The following PCDH15 variants were observed in gnomAD, a reference collection of about 807,000 sequenced individuals.
The protein encoded by PCDH15 is protocadherin-15.
Under a neutral mutation model 178.5 loss-of-function variants are expected in PCDH15, and 129 were observed. That is an observed-to-expected ratio of 0.72 (90% confidence interval 0.63 to 0.84). The LOEUF is 0.84. Among genes scored for constraint, PCDH15 ranks in the 40% least tolerant of loss-of-function variants. The pLI, the probability that PCDH15 is intolerant of heterozygous loss-of-function variation, is 0.00. For synonymous variants in PCDH15, 800 were observed against 732.0 expected (o/e 1.09, Z -1.50); for missense variants, 2,230 against 2,099.9 (o/e 1.06, Z -1.21).
At chr10:55,414,982 G>T (rs1838441619) in intron 2 of PCDH15, among the ~76,000 whole-genome samples, 1 of 151,390 alleles carries the variant, frequency 6.6e-6, no homozygotes, top group Non-Finnish European at 1.5e-5. Flanking sequence ...GACAAAAATG[G>T]GCATGCTTGT....
rs12773672 is a variant in PCDH15 at position 54,576,242 on chromosome 10, C to A, written c.92-48365G>T. On this transcript the variant is annotated intron_variant, in intron 2 of 37. Transcript: ENST00000644397. ...AAAGTTCCATATCAATGCAATGATC[C>A]CTTTTGTACAGTTATTAAGTATAAG... Among the ~76,000 whole-genome samples the A allele has an allele frequency of 4.6e-3, 700 of 152,166 alleles. 2 individuals carry two copies. Among genetic ancestry groups the A allele is most frequent in the Non-Finnish European group, 7.7e-3 (526 of 68,008 alleles).
At chr10:55,086,938 CGTT>C (rs1184985054) in intron 2 of PCDH15, among the ~76,000 whole-genome samples, 4 of 151,910 alleles carry the variant, frequency 2.6e-5, no homozygotes, top group Admixed American at 2.0e-4. Flanking sequence ...GATAAAGAGA[CGTT>C]GTGTTAGCAA....
At chr10:54,927,984 T>C (rs1416285027) in intron 2 of PCDH15, among the ~76,000 whole-genome samples, 1 of 152,104 alleles carries the variant, frequency 6.6e-6, no homozygotes, top group Non-Finnish European at 1.5e-5. Context: ...CACTGTGATA[T>C]TAGCTGGATA....
chr10:55,190,977 T>C (rs1392844432), intron 1 of PCDH15, among the ~76,000 whole-genome samples: 2 of 151,790 alleles, frequency 1.3e-5, no homozygotes, highest in African/African-American at 2.4e-5. Context: ...GATAAACTTA[T>C]TTTGACAGAT....
At chr10:54,382,007 T>C (rs1483624546) in intron 3 of PCDH15, among the ~76,000 whole-genome samples, 1 of 152,122 alleles carries the variant, frequency 6.6e-6, no homozygotes, top group Non-Finnish European at 1.5e-5. Context: ...TGTATGTTCC[T>C]GAAAAAGACT....
At chr10:54,047,127 G>A (rs1274584201) in intron 18 of PCDH15, among the ~76,000 whole-genome samples, 1 of 151,986 alleles carries the variant, frequency 6.6e-6, no homozygotes, top group Non-Finnish European at 1.5e-5. Flanking sequence ...AAAATTACTT[G>A]GTATTGCTTC....
Position 55,291,648 on chromosome 10 carries a change from A to T in PCDH15, c.-156+27951T>A, listed in dbSNP as rs141713034. ...AGAAAATTTACCAAGCTCTCAGATG[A>T]TGACTGACTTCTTTGAAGTCACAAA... On this transcript the variant is annotated intron_variant, in intron 1 of 5. Coordinates refer to the PCDH15 transcript ENST00000458638. Among the ~76,000 whole-genome samples, 549 of 152,320 alleles carry T rather than the reference A, an allele frequency of 3.6e-3. 6 individuals are homozygous for T. The highest frequency in any genetic ancestry group is 0.012 in the African/African-American group (506 of 41,580).
chr10:54,416,282 C>T (rs975462961), intron 3 of PCDH15, among the ~76,000 whole-genome samples: 2 of 152,060 alleles, frequency 1.3e-5, no homozygotes, highest in African/African-American at 4.8e-5. Context: ...CCTAGCTCCC[C>T]ACCCCCCAAA....
At chr10:53,984,134 TTCTTTTTTCTTTTC>T (rs2090912930) in intron 21 of PCDH15, among the ~76,000 whole-genome samples, 1 of 96,312 alleles carries the variant, frequency 1.0e-5, no homozygotes. Context: ...TTTTTTTTTT[TTCTTTTTTCTTTTC>T]TTTTTTTTTT....
At chr10:54,182,750 T>G (rs2048114185) in intron 13 of PCDH15, among the ~76,000 whole-genome samples, 1 of 152,134 alleles carries the variant, frequency 6.6e-6, no homozygotes, top group African/African-American at 2.4e-5. Flanking sequence ...TGTATTTATC[T>G]CCAAGTGAAA....
chr10:54,185,538 A>T (rs1402007511), intron 11 of PCDH15, among the ~76,000 whole-genome samples: 1 of 152,110 alleles, frequency 6.6e-6, no homozygotes, highest in Non-Finnish European at 1.5e-5. Context: ...AAACAGAAAG[A>T]ATATAAAAAC....
chr10:54,977,370 T>C (rs1839098869), intron 2 of PCDH15, among the ~76,000 whole-genome samples: 1 of 152,184 alleles, frequency 6.6e-6, no homozygotes, highest in African/African-American at 2.4e-5. Flanking sequence ...CCAAGATAGC[T>C]ATGAAAGTGG....
chr10:55,195,286 G>C (rs1840056443), intron 1 of PCDH15, among the ~76,000 whole-genome samples: 1 of 151,800 alleles, frequency 6.6e-6, no homozygotes, highest in African/African-American at 2.4e-5. Flanking sequence ...GCCTCCCAAA[G>C]TGCTGGGATT....
chr10:54,103,530 T>C (rs1353848080), intron 15 of PCDH15, among the ~76,000 whole-genome samples: 3 of 152,162 alleles, frequency 2.0e-5, no homozygotes, highest in Admixed American at 1.3e-4. Flanking sequence ...GCTGCCCTCA[T>C]AAATCTCTTT....
chr10:55,344,027 T>C (rs139627940), intron 2 of PCDH15, among the ~76,000 whole-genome samples: 85 of 152,126 alleles, frequency 5.6e-4, no homozygotes, highest in African/African-American at 1.9e-3. Context: ...TGAGGAGATA[T>C]TTATTGGAGA....
chr10:53,870,002 A>G (rs559411964), intron 26 of PCDH15, among the ~76,000 whole-genome samples: 1 of 152,334 alleles, frequency 6.6e-6, no homozygotes, highest in East Asian at 1.9e-4. Flanking sequence ...ATTTAAAATA[A>G]ATACTGTATA....
intron 2 of PCDH15, among the ~76,000 whole-genome samples, chr10:55,522,653 C>T (rs1028504274): frequency 1.3e-5 from 2 of 151,680 alleles, no homozygotes; most frequent in Middle Eastern, 3.4e-3. Flanking sequence ...ATTTAGTTTA[C>T]CCATTTGCAT....
At chr10:54,186,949 G>C (rs2048528026) in intron 11 of PCDH15, among the ~76,000 whole-genome samples, 2 of 151,904 alleles carry the variant, frequency 1.3e-5, no homozygotes, top group African/African-American at 4.8e-5. Flanking sequence ...TCAATTATTA[G>C]AGTTGATAAA....
At chr10:55,166,863 T>G (rs1839209084) in intron 1 of PCDH15, among the ~76,000 whole-genome samples, 1 of 152,192 alleles carries the variant, frequency 6.6e-6, no homozygotes, top group South Asian at 2.1e-4. Context: ...AAGTCTAATT[T>G]AAAACTTAAC....
Sources: gnomAD v4.1 joint callset for allele counts (sites outside exome capture counted in the v4.1 genomes callset) on GRCh38, gnomAD v4.1.1 for gene constraint, MANE v1.5 for transcripts, NCBI Gene and HGNC (gene_info 2026-07-23, HGNC 2026-07-21) for gene names.